TIMELESS: variants seen among roughly 807,000 people sequenced by gnomAD.
TIMELESS encodes protein timeless homolog.
Under a neutral mutation model 164.3 loss-of-function variants are expected in TIMELESS, and 124 were observed. The ratio of observed to expected loss-of-function variants is 0.75; its 90% CI spans 0.65 to 0.88. The LOEUF is 0.88. Ranked by LOEUF, TIMELESS falls within the 40% of genes least tolerant of loss-of-function variation. TIMELESS has a pLI of 0.00. For synonymous variants in TIMELESS, 564 were observed against 563.4 expected, an observed-to-expected ratio of 1.00 and a Z score of -0.02; for missense variants, 1,422 against 1,491.4, an observed-to-expected ratio of 0.95 and a Z score of 0.77.
chr12:56,422,812 T>G, intron 19 of TIMELESS, 35 bp downstream of exon 19: 980 of 810,268 alleles, frequency 1.2e-3, no homozygotes, highest in Non-Finnish European at 1.8e-3. Context: ...AAACTTCCCC[T>G]ACCCCCACCC....
At chr12:56,439,592 C>T (rs916419895) in intron 1 of TIMELESS, among the ~76,000 whole-genome samples, 2 of 152,026 alleles carry the variant, frequency 1.3e-5, no homozygotes, top group African/African-American at 2.4e-5. Flanking sequence ...TGGTACCTCC[C>T]TATGTTGCCC....
At chr12:56,436,080 T>C (rs1565686712) in intron 1 of TIMELESS, among the ~76,000 whole-genome samples, 1 of 152,168 alleles carries the variant, frequency 6.6e-6, no homozygotes, top group South Asian at 2.1e-4. Flanking sequence ...ATACTGTCTA[T>C]GGAAAAACCA....
At chr12:56,430,992 G>A (rs1881858036) in intron 8 of TIMELESS, 24 bp from the exon 9 acceptor site, 2 of 1,502,066 alleles carry the variant, frequency 1.3e-6, no homozygotes, top group Non-Finnish European at 1.8e-6. Context: ...AAGGTCCAAG[G>A]TGATTTTTCA....
chr12:56,437,449 T>A (rs1395338980), intron 1 of TIMELESS, among the ~76,000 whole-genome samples: 1 of 151,308 alleles, frequency 6.6e-6, no homozygotes, highest in Non-Finnish European at 1.5e-5. Context: ...AGGGTCTCAC[T>A]CAGGCACCCA....
rs1592244714 is a variant in TIMELESS at position 56,422,310 on chromosome 12, G to C, written c.2439-119C>G. The C allele has an allele frequency of 5.8e-6, 5 of 862,564 alleles. No individual in the cohort carries two copies. The East Asian group carries it at 1.3e-4, about 22-fold the overall frequency. 53.4% of individuals were successfully genotyped at this position (862,564 alleles called of 1,614,324 possible). ...AGGACAAGGCAGGTAACTGAAAGAG[G>C]CCAGCCAGCAGAGGCCTACAGTGTG... is the stretch of plus-strand genomic sequence containing the variant. On this transcript the variant is annotated intron_variant, in intron 19 of 28. Coordinates refer to ENST00000553532, the MANE Select transcript of TIMELESS (RefSeq NM_003920.5).
intron 13 of TIMELESS, 84 bp downstream of exon 13, chr12:56,428,152 A>G: frequency 7.4e-7 from 1 of 1,357,418 alleles, no homozygotes; most frequent in Non-Finnish European, 1.0e-6. Flanking sequence ...GATGAACTTA[A>G]GCTGTACAAA....
intron 28 of TIMELESS, 37 bp downstream of exon 28, chr12:56,417,870 T>A: frequency 2.5e-6 from 4 of 1,613,526 alleles, no homozygotes; most frequent in Non-Finnish European, 3.4e-6. Flanking sequence ...GTCTTCAGGA[T>A]TAGAGAAGAA....
At chr12:56,417,828 A>G in intron 28 of TIMELESS, 42 bp from the exon 29 acceptor site, 1 of 1,613,742 alleles carries the variant, frequency 6.2e-7, no homozygotes, top group Non-Finnish European at 8.5e-7. Flanking sequence ...GAATATCTAA[A>G]TATGTTAAGG....
chr12:56,430,148 T>A lies in TIMELESS; in HGVS notation c.1043A>T (p.Glu348Val), dbSNP rs1442477973. 1 of 1,613,906 alleles carries A rather than the reference T, an allele frequency of 6.2e-7. No individual in the cohort carries two copies. Among genetic ancestry groups the A allele is most frequent in the South Asian group, 1.1e-5 (1 of 91,064 alleles). Residue 348 changes from glutamate (E) to valine (V), a missense_variant, in exon 10 of 29, where the codon GAG (glutamate) becomes GTG (valine). Coordinates refer to ENST00000553532, the MANE Select transcript of TIMELESS (RefSeq NM_003920.5). ...VRLFLRDFCSEFLENCYNRLM... is the reference protein window; with the variant it reads ...VRLFLRDFCSVFLENCYNRLM... Reference sequence around the variant, plus strand: ...CCGGTTGTAACAGTTCTCCAGGAACTCAGAGCAGAAGTCTCTGAGGAAGAG... The same window carrying A: ...CCGGTTGTAACAGTTCTCCAGGAACACAGAGCAGAAGTCTCTGAGGAAGAG...
chr12:56,419,787 T>C (rs1370188045), intron 26 of TIMELESS, among the ~76,000 whole-genome samples: 1 of 150,728 alleles, frequency 6.6e-6, no homozygotes. Context: ...AAAATAACAA[T>C]ACAACATTAA....
In TIMELESS at chr12:56,430,975, A is replaced by T; in HGVS notation, c.822-7T>A. On this transcript the variant is annotated splice_region_variant and splice_polypyrimidine_tract_variant and intron_variant, in intron 8 of 28. Coordinates refer to ENST00000553532, the MANE Select transcript of TIMELESS (RefSeq NM_003920.5). ...GCCCCCAAATCGAGAATGCCTGCAG[A>T]AACAAAAAGGTCCAAGGTGATTTTT... 6.4e-7 allele frequency: 1 copy of T among 1,569,248 alleles called. No homozygotes were observed.
intron 26 of TIMELESS, among the ~76,000 whole-genome samples, chr12:56,420,029 A>AATATATATATATATAT (rs1555176448): frequency 4.0e-5 from 3 of 75,190 alleles, no homozygotes; most frequent in African/African-American, 2.0e-4. Context: ...AAAAAAAAAA[A>AATATATATATATATAT]ATATATATAT....
intron 1 of TIMELESS, among the ~76,000 whole-genome samples, chr12:56,435,001 C>T (rs891868190): frequency 2.3e-4 from 35 of 152,218 alleles, no homozygotes; most frequent in African/African-American, 8.4e-4. Flanking sequence ...GTGATTGCAC[C>T]ACTACACTCC....
At chr12:56,427,859 C>T (rs934700008) in intron 13 of TIMELESS, among the ~76,000 whole-genome samples, 8 of 152,260 alleles carry the variant, frequency 5.3e-5, no homozygotes, top group South Asian at 2.1e-4. Flanking sequence ...TACAGGTGTG[C>T]GCCACCATGC....
At chr12:56,447,765 G>C (rs1868388077) in intron 1 of TIMELESS, among the ~76,000 whole-genome samples, 1 of 152,150 alleles carries the variant, frequency 6.6e-6, no homozygotes, top group Non-Finnish European at 1.5e-5. Context: ...AAACTTCAGG[G>C]ACACACAGGA....
In TIMELESS at chr12:56,420,973, C is replaced by G; in HGVS notation, c.3030G>C (p.Leu1010=). 1.9e-6 allele frequency: 3 copies of G among 1,614,184 alleles called. No individual in the cohort carries two copies. The highest frequency in any genetic ancestry group is 2.5e-6 in the Non-Finnish European group (3 of 1,180,022). Residue 1010 remains leucine, a synonymous_variant, in exon 24 of 29, where the codon CTG becomes CTC. Transcript: ENST00000553532. ...VLSNENLGQS[L]HQEGFSIPLL... ...AGCCAAAGTCCTCACCTTCCTGATG[C>G]AGGCTTTGACCAAGGTTTTCATTTG... is the stretch of plus-strand genomic sequence containing the variant.
At chr12:56,446,383 T>C (rs1218303985) in intron 1 of TIMELESS, among the ~76,000 whole-genome samples, 1 of 152,214 alleles carries the variant, frequency 6.6e-6, no homozygotes, top group Non-Finnish European at 1.5e-5. Context: ...ACTATTAGCA[T>C]GCATTACTAT....
At chr12:56,432,631 CAG>C in intron 6 of TIMELESS, 107 bp from the exon 7 acceptor site, 1 of 1,476,070 alleles carries the variant, frequency 6.8e-7, no homozygotes, top group Non-Finnish European at 9.2e-7. Flanking sequence ...CCAGACTTGT[CAG>C]AGGACAGAAT....
intron 1 of TIMELESS, among the ~76,000 whole-genome samples, chr12:56,436,504 G>A (rs909882307): frequency 2.6e-5 from 4 of 152,106 alleles, no homozygotes; most frequent in African/African-American, 7.2e-5. Context: ...CAGTAGAAAG[G>A]AATGTTTAAT....
Sources: allele counts gnomAD v4.1 joint callset (sites outside exome capture counted in the v4.1 genomes callset), GRCh38; gene constraint gnomAD v4.1.1; transcripts MANE v1.5; gene names NCBI Gene and HGNC (gene_info 2026-07-23, HGNC 2026-07-21).